The following CSMD3 variants were observed in gnomAD, a reference collection of about 807,000 sequenced individuals.
CSMD3 encodes the protein CUB and sushi domain-containing protein 3.
In CSMD3, 177 loss-of-function variants were observed where a neutral mutation model predicts 435.2. That is an observed-to-expected ratio of 0.41 (90% CI 0.36 to 0.46). The LOEUF is 0.46. CSMD3 is among the 20% of genes least tolerant of loss of function. The pLI is 0.34. For missense variants in CSMD3, 4,265 were observed against 4,504.6 expected (o/e 0.95, Z 1.52); for synonymous variants, 1,656 against 1,520.5 (o/e 1.09, Z -2.07).
chr8:112,719,197 A>G (rs561908589), intron 13 of CSMD3, among the ~76,000 whole-genome samples: 1 of 152,316 alleles, frequency 6.6e-6, no homozygotes, highest in Admixed American at 6.5e-5. Flanking sequence ...GTCAGATTAG[A>G]AGACTAAGTA....
At chr8:112,365,394 G>A (rs183108813) in intron 38 of CSMD3, among the ~76,000 whole-genome samples, 2 of 148,058 alleles carry the variant, frequency 1.4e-5, no homozygotes, top group African/African-American at 5.0e-5. Flanking sequence ...GACACAAATT[G>A]AGAAATTTAT....
In CSMD3 at chr8:112,372,072, G is replaced by A. The variant is rs77771878; in HGVS notation, c.6136+8280C>T. On this transcript the variant is annotated intron_variant, in intron 38 of 70. Transcript: ENST00000297405. ...AAACAAAAAACATGAACACTGATGG[G>A]ATAAAAAAGTTCACAAATAAAAATA... is the stretch of plus-strand genomic sequence containing the variant. Among the ~76,000 whole-genome samples the A allele has an allele frequency of 4.2e-4, 64 of 151,908 alleles. No individual in the cohort carries two copies. In the East Asian group the frequency reaches 6.8e-3, roughly 16 times the overall value.
At chr8:112,755,224 G>A (rs375522344) in intron 13 of CSMD3, among the ~76,000 whole-genome samples, 19 of 151,962 alleles carry the variant, frequency 1.3e-4, no homozygotes, top group African/African-American at 4.3e-4. Context: ...CCAGCTACTC[G>A]GGAGGCTGAG....
At chr8:113,195,831 ACACACACACCCC>A (rs1431461424) in intron 3 of CSMD3, among the ~76,000 whole-genome samples, 236 of 147,048 alleles carry the variant, frequency 1.6e-3, no homozygotes, top group African/African-American at 5.1e-3. Flanking sequence ...ACACACACAC[ACACACACACCCC>A]CACACACACA....
chr8:112,465,711 A>G (rs1586416194), intron 32 of CSMD3, among the ~76,000 whole-genome samples: 1 of 152,148 alleles, frequency 6.6e-6, no homozygotes, highest in Non-Finnish European at 1.5e-5. Flanking sequence ...GTGGCGGTTC[A>G]CACATGTAAT....
At chr8:112,886,359 T>G (rs577476136) in intron 10 of CSMD3, among the ~76,000 whole-genome samples, 10 of 151,722 alleles carry the variant, frequency 6.6e-5, no homozygotes, top group African/African-American at 1.9e-4. Flanking sequence ...TTCTTTTTTT[T>G]TCTTTTTCTG....
At chr8:112,896,096 G>A (rs938427553) in intron 10 of CSMD3, among the ~76,000 whole-genome samples, 1 of 151,538 alleles carries the variant, frequency 6.6e-6, no homozygotes, top group Non-Finnish European at 1.5e-5. Flanking sequence ...ATGTGATGTG[G>A]TGAAGTGATG....
chr8:113,168,821 A>T (rs1008749133), intron 4 of CSMD3, among the ~76,000 whole-genome samples: 1 of 152,022 alleles, frequency 6.6e-6, no homozygotes, highest in Non-Finnish European at 1.5e-5. Flanking sequence ...CATATTTCTG[A>T]TATCACATTT....
intron 6 of CSMD3, among the ~76,000 whole-genome samples, chr8:112,989,329 T>G (rs2085364243): frequency 6.6e-6 from 1 of 152,030 alleles, no homozygotes; most frequent in Non-Finnish European, 1.5e-5. Flanking sequence ...AGTTATCACT[T>G]GGGCATTTCA....
intron 22 of CSMD3, among the ~76,000 whole-genome samples, chr8:112,593,307 T>C (rs1831358765): frequency 6.6e-6 from 1 of 152,112 alleles, no homozygotes; most frequent in Non-Finnish European, 1.5e-5. Context: ...ATGAAAACCC[T>C]AGAGAAGATT....
intron 63 of CSMD3, among the ~76,000 whole-genome samples, chr8:112,251,195 A>C (rs552318206): frequency 3.3e-5 from 5 of 151,894 alleles, no homozygotes; most frequent in Non-Finnish European, 7.4e-5. Flanking sequence ...AAGGTCTCAA[A>C]AACGTATATG....
chr8:113,170,373 C>A (rs2131874167), intron 4 of CSMD3, among the ~76,000 whole-genome samples: 1 of 152,200 alleles, frequency 6.6e-6, no homozygotes, highest in Middle Eastern at 3.4e-3. Flanking sequence ...TTAGACTCTA[C>A]CTTTAGCCAG....
intron 58 of CSMD3, among the ~76,000 whole-genome samples, chr8:112,285,288 T>C (rs1199888162): frequency 6.6e-6 from 1 of 152,078 alleles, no homozygotes; most frequent in African/African-American, 2.4e-5. Context: ...CACAGCATCA[T>C]TAAAAAGACC....
intron 11 of CSMD3, among the ~76,000 whole-genome samples, chr8:112,841,385 T>A (rs567017167): frequency 6.6e-6 from 1 of 151,948 alleles, no homozygotes; most frequent in South Asian, 2.1e-4. Context: ...GCATTTCCAG[T>A]TCCTTGTCAT....
At chr8:112,520,349 C>A (rs1042900523) in intron 27 of CSMD3, among the ~76,000 whole-genome samples, 3 of 152,012 alleles carry the variant, frequency 2.0e-5, no homozygotes, top group African/African-American at 7.2e-5. Context: ...AAAATGAGAT[C>A]TTAAGATCTC....
chr8:112,567,765 T>C (rs1424367790), intron 24 of CSMD3, among the ~76,000 whole-genome samples: 1 of 152,072 alleles, frequency 6.6e-6, no homozygotes, highest in Non-Finnish European at 1.5e-5. Context: ...GAGTGATGTT[T>C]TAGGAAGGAT....
At chr8:112,337,797 C>T (rs1057460312) in intron 42 of CSMD3, 66 bp from the exon 43 acceptor site, 11 of 1,270,350 alleles carry the variant, frequency 8.7e-6, no homozygotes, top group African/African-American at 7.5e-5. Context: ...TAGGGTACTA[C>T]AGCAATTTTG....
chr8:112,941,890 T>C (rs2083462211), intron 9 of CSMD3, among the ~76,000 whole-genome samples: 1 of 151,716 alleles, frequency 6.6e-6, no homozygotes. Context: ...GTTTCTCCCA[T>C]TATTAATATT....
chr8:113,154,967 T>C (rs1301795190), intron 4 of CSMD3, among the ~76,000 whole-genome samples: 3 of 152,034 alleles, frequency 2.0e-5, no homozygotes, highest in African/African-American at 7.2e-5. Context: ...TTAAAATAAA[T>C]GTGCATTTTC....
Sources: allele counts gnomAD v4.1 joint callset (sites outside exome capture counted in the v4.1 genomes callset), GRCh38; gene constraint gnomAD v4.1.1; transcripts MANE v1.5; gene names NCBI Gene and HGNC (gene_info 2026-07-23, HGNC 2026-07-21).